The following SAMD5 variants were observed in gnomAD, a reference collection of about 807,000 sequenced individuals.
SAMD5 encodes the protein sterile alpha motif domain containing 5.
SAMD5 carries 13 observed loss-of-function variants against 11.3 expected under a neutral mutation model. That is an observed-to-expected ratio of 1.15 (90% CI 0.75 to 1.83). SAMD5 has a LOEUF of 1.83. SAMD5 is among the 40% of genes most tolerant of loss of function. SAMD5 has a pLI of 0.00. For missense variants in SAMD5, 255 were observed against 239.1 expected (o/e 1.07, Z -0.44); for synonymous variants, 129 against 111.3 (o/e 1.16, Z -1.00).
chr6:147,756,372 A>T, the SAMD5 span, among the ~76,000 whole-genome samples: 1 of 152,138 alleles, frequency 6.6e-6, no homozygotes, highest in African/African-American at 2.4e-5. Flanking sequence ...TTTGATTTGG[A>T]TCCTGGGGAT....
At chr6:147,574,938 A>G (rs1044661114), downstream of SAMD5, among the ~76,000 whole-genome samples, 8 of 152,188 alleles carry the variant, frequency 5.3e-5, no homozygotes, top group Non-Finnish European at 1.2e-4. Context: ...CAAATCTAAG[A>G]TGAAAAGCAC....
At chr6:147,937,699 T>A in the SAMD5 span, among the ~76,000 whole-genome samples, 1 of 152,326 alleles carries the variant, frequency 6.6e-6, no homozygotes, top group Non-Finnish European at 1.5e-5. Flanking sequence ...AAATTCTTAA[T>A]AACCAGAGGG....
chr6:147,901,567 T>C, the SAMD5 span, among the ~76,000 whole-genome samples: 1 of 152,196 alleles, frequency 6.6e-6, no homozygotes, highest in Non-Finnish European at 1.5e-5. Context: ...ATTTTCACAT[T>C]TGGATGTGGC....
intron 1 of SAMD5, among the ~76,000 whole-genome samples, chr6:147,620,560 A>G (rs1448911898): frequency 6.6e-6 from 1 of 152,234 alleles, no homozygotes; most frequent in African/African-American, 2.4e-5. Context: ...AGGTAGAAGA[A>G]GTAAATGCCA....
chr6:147,871,084 A>G, the SAMD5 span, among the ~76,000 whole-genome samples: 1 of 152,208 alleles, frequency 6.6e-6, no homozygotes, highest in African/African-American at 2.4e-5. Flanking sequence ...TTGCTTCATT[A>G]GAAAACAAAA....
chr6:147,825,508 C>T, the SAMD5 span, among the ~76,000 whole-genome samples: 1 of 152,230 alleles, frequency 6.6e-6, no homozygotes, highest in East Asian at 1.9e-4. Flanking sequence ...ACAGAAATGG[C>T]AATTATCATA....
the SAMD5 span, among the ~76,000 whole-genome samples, chr6:147,839,976 G>C: frequency 6.6e-6 from 1 of 152,184 alleles, no homozygotes; most frequent in Non-Finnish European, 1.5e-5. Context: ...AACTGGCAGA[G>C]CTGAGATGGG....
intron 1 of SAMD5, among the ~76,000 whole-genome samples, chr6:147,643,950 C>T (rs1790355849): frequency 7.1e-6 from 1 of 141,440 alleles, no homozygotes; most frequent in Admixed American, 7.0e-5. Flanking sequence ...CTGGGGTTAA[C>T]TAGTGTTGTA....
chr6:147,739,774 T>G (rs1367217416), downstream of SAMD5, among the ~76,000 whole-genome samples: 1 of 152,164 alleles, frequency 6.6e-6, no homozygotes, highest in East Asian at 1.9e-4. Context: ...GATACATTAT[T>G]TTAAATTATT....
At chr6:147,548,169 A>G (rs1426782648) in intron 1 of SAMD5, among the ~76,000 whole-genome samples, 1 of 152,222 alleles carries the variant, frequency 6.6e-6, no homozygotes, top group African/African-American at 2.4e-5. Flanking sequence ...GTAGAGAGAC[A>G]GCACAGAGGG....
chr6:147,929,611 A>ATCAC, the SAMD5 span, among the ~76,000 whole-genome samples: 435 of 152,308 alleles, frequency 2.9e-3, 1 homozygote, highest in African/African-American at 0.01. Flanking sequence ...TAGACATGGC[A>ATCAC]TCACTGGTGG....
Position 147,675,068 on chromosome 6 carries a change from A to G in SAMD5, c.163-62249A>G, listed in dbSNP as rs187307163. Among the ~76,000 whole-genome samples the G allele has an allele frequency of 2.2e-4, 34 of 152,260 alleles. No individual in the cohort carries two copies. In the East Asian group the frequency reaches 4.2e-3, roughly 19 times the overall value. On this transcript the variant is annotated intron_variant, in intron 1 of 1. Coordinates refer to the SAMD5 transcript ENST00000566741. ...GTGATCTGGCCAGCTACTATTAATC[A>G]ATTGAAATTGGCATGTATAAAGAAC...
chr6:147,758,473 T>C, the SAMD5 span, among the ~76,000 whole-genome samples: 28 of 152,354 alleles, frequency 1.8e-4, no homozygotes, highest in African/African-American at 6.7e-4. Context: ...CCAGCAACCA[T>C]GGCTGGTGCC....
At chr6:147,915,326 C>A in the SAMD5 span, among the ~76,000 whole-genome samples, 1 of 152,100 alleles carries the variant, frequency 6.6e-6, no homozygotes, top group Admixed American at 6.5e-5. Context: ...AGAGAGTCTG[C>A]AATAATAAAG....
chr6:147,582,553 C>A (rs1277642676), intron 1 of SAMD5, among the ~76,000 whole-genome samples: 2 of 152,262 alleles, frequency 1.3e-5, no homozygotes, highest in South Asian at 4.1e-4. Flanking sequence ...CATTTGAAGT[C>A]GGCATGGGGC....
the SAMD5 span, among the ~76,000 whole-genome samples, chr6:147,883,405 A>G: frequency 3.3e-5 from 5 of 152,242 alleles, no homozygotes; most frequent in Admixed American, 2.6e-4. Flanking sequence ...GATACAGACG[A>G]TAAAGACTTC....
chr6:147,943,661 C>T, the SAMD5 span, among the ~76,000 whole-genome samples: 4 of 152,198 alleles, frequency 2.6e-5, no homozygotes, highest in East Asian at 7.7e-4. Context: ...CCTAACTCCT[C>T]TCCTCAAATG....
intron 1 of SAMD5, among the ~76,000 whole-genome samples, chr6:147,653,074 C>T (rs1249851610): frequency 6.6e-6 from 1 of 151,928 alleles, no homozygotes; most frequent in African/African-American, 2.4e-5. Flanking sequence ...CTGAGTAGTC[C>T]AAAGTGTTAA....
chr6:147,850,618 G>C, the SAMD5 span, among the ~76,000 whole-genome samples: 3 of 152,024 alleles, frequency 2.0e-5, no homozygotes, highest in African/African-American at 4.8e-5. Context: ...TATTATCCTT[G>C]GTTTTGCTTT....
Sources: allele counts gnomAD v4.1 joint callset (sites outside exome capture counted in the v4.1 genomes callset), GRCh38; gene constraint gnomAD v4.1.1; transcripts MANE v1.5; gene names NCBI Gene and HGNC (gene_info 2026-07-23, HGNC 2026-07-21).